Variants in KCMF1 observed in about 807,000 individuals in gnomAD.
KCMF1 encodes potassium channel modulatory factor 1.
In KCMF1, 3 loss-of-function variants were observed where a neutral mutation model predicts 41.1. The ratio of observed to expected loss-of-function variants is 0.07; its 90% confidence interval spans 0.03 to 0.19. KCMF1 has a LOEUF of 0.19. Among genes scored for constraint, KCMF1 ranks in the 10% least tolerant of loss-of-function variants. KCMF1 has a pLI of 1.00. For synonymous variants in KCMF1, 142 were observed against 164.5 expected, an observed-to-expected ratio of 0.86 and a Z score of 1.04; for missense variants, 286 against 488.9, an observed-to-expected ratio of 0.58 and a Z score of 3.91.
chr2:85,026,493 TTA>T (rs1675108857), intron 1 of KCMF1, among the ~76,000 whole-genome samples: 2 of 141,180 alleles, frequency 1.4e-5, no homozygotes, highest in African/African-American at 5.3e-5. Context: ...ATTATTATTA[TTA>T]TTTTTATTTT....
intron 1 of KCMF1, among the ~76,000 whole-genome samples, chr2:84,974,967 A>G (rs1673508230): frequency 6.6e-6 from 1 of 151,890 alleles, no homozygotes; most frequent in Admixed American, 6.6e-5. Context: ...TCGGCCTCCC[A>G]AAGTGGTGGG....
intron 1 of KCMF1, among the ~76,000 whole-genome samples, chr2:85,010,431 T>C (rs1224699742): frequency 6.6e-6 from 1 of 152,220 alleles, no homozygotes; most frequent in Non-Finnish European, 1.5e-5. Flanking sequence ...ATTGCCTCAC[T>C]GTACTCCAGC....
intron 1 of KCMF1, among the ~76,000 whole-genome samples, chr2:84,995,924 T>C (rs1674166711): frequency 6.6e-6 from 1 of 152,236 alleles, no homozygotes; most frequent in Admixed American, 6.5e-5. Flanking sequence ...AAAGAAGTAA[T>C]GAAGAAGTCA....
intron 1 of KCMF1, among the ~76,000 whole-genome samples, chr2:84,989,104 C>T (rs771989564): frequency 2.0e-5 from 3 of 152,152 alleles, no homozygotes; most frequent in Non-Finnish European, 4.4e-5. Context: ...GTTTGCTGAC[C>T]TCTGCTTTAA....
chr2:84,992,828 G>A (rs1038825928), intron 1 of KCMF1, among the ~76,000 whole-genome samples: 3 of 152,052 alleles, frequency 2.0e-5, no homozygotes, highest in African/African-American at 7.2e-5. Context: ...CACCGTGTTA[G>A]CCAGGATGGT....
At chr2:84,986,108 A>T (rs1673894204) in intron 1 of KCMF1, among the ~76,000 whole-genome samples, 1 of 152,214 alleles carries the variant, frequency 6.6e-6, no homozygotes, top group African/African-American at 2.4e-5. Flanking sequence ...ATTGAAAAAC[A>T]CTGGCCTTGG....
Position 84,971,445 on chromosome 2 carries a change from A to T in KCMF1, c.-7A>T. The stretch of plus-strand genomic sequence containing the variant: ...GGAGGGGCCGCGCCGCCACCGTCTG[A>T]ACTAGGATGTCCCGACATGAAGGTG... On this transcript the variant is annotated 5_prime_UTR_variant, in exon 1 of 7. Coordinates refer to ENST00000409785, the MANE Select transcript of KCMF1 (RefSeq NM_020122.5). 1 of 1,275,152 alleles carries T rather than the reference A, an allele frequency of 7.8e-7. No individual in the cohort carries two copies. Among genetic ancestry groups the T allele is most frequent in the Non-Finnish European group, 1.0e-6 (1 of 988,642 alleles). The allele number at this position is 1,275,152 out of a possible 1,614,324, so 79.0% of individuals were successfully genotyped here.
chr2:85,053,590 C>G lies in KCMF1; in HGVS notation c.*181C>G, dbSNP rs1675858670. 2 of 709,818 alleles carry G rather than the reference C, an allele frequency of 2.8e-6. No homozygotes were observed. Among genetic ancestry groups the G allele is most frequent in the Non-Finnish European group, 4.5e-6 (2 of 441,234 alleles). 44.0% of individuals were successfully genotyped at this position (709,818 alleles called of 1,614,324 possible). ...ATCATTTCCACTTAACTAATTTTTA[C>G]TTCTAGCAGGTAAATGTAGGTAGCA... On this transcript the variant is annotated 3_prime_UTR_variant, in exon 7 of 7. Coordinates refer to ENST00000409785, the MANE Select transcript of KCMF1 (RefSeq NM_020122.5).
intron 1 of KCMF1, among the ~76,000 whole-genome samples, chr2:84,976,416 G>T (rs1266891610): frequency 6.6e-6 from 1 of 151,780 alleles, no homozygotes; most frequent in African/African-American, 2.4e-5. Context: ...ATGTTGGCCA[G>T]GCTGGTCTCG....
chr2:85,005,296 A>AT (rs567699626), intron 1 of KCMF1, among the ~76,000 whole-genome samples: 372 of 146,654 alleles, frequency 2.5e-3, no homozygotes, highest in Non-Finnish European at 4.1e-3. Context: ...TTATTTATTT[A>AT]TTTTTTTTTT....
chr2:85,022,107 A>G (rs1447867502), intron 1 of KCMF1, among the ~76,000 whole-genome samples: 1 of 151,916 alleles, frequency 6.6e-6, no homozygotes, highest in Non-Finnish European at 1.5e-5. Flanking sequence ...GTGAGCCACC[A>G]CGCCCGGCCT....
rs969691001 is a variant in KCMF1, at chr2:84,971,366, C to G, written c.-86C>G. ...GCCCGGGAGTCGAGTGGGAGTCGGC[C>G]GGCCGGCGCGGGCAGCGCCGGGACC... On this transcript the variant is annotated 5_prime_UTR_variant, in exon 1 of 7. Coordinates refer to ENST00000409785, the MANE Select transcript of KCMF1 (RefSeq NM_020122.5). 2.0e-5 allele frequency: 18 copies of G among 903,840 alleles called. No homozygotes were observed. The highest frequency in any genetic ancestry group is 2.2e-5 in the Non-Finnish European group (16 of 738,376). The allele number at this position is 903,840 out of a possible 1,614,324, so 56.0% of individuals were successfully genotyped here. A position where few individuals can be genotyped will look rare whatever the true frequency, so the allele number is the denominator to read the frequency against.
At chr2:84,981,325 G>A (rs1402115155) in intron 1 of KCMF1, among the ~76,000 whole-genome samples, 1 of 151,962 alleles carries the variant, frequency 6.6e-6, no homozygotes, top group Non-Finnish European at 1.5e-5. Context: ...AAGTAGCTGG[G>A]ACTACAGGCA....
At chr2:85,030,334 A>G (rs1005318060) in intron 2 of KCMF1, among the ~76,000 whole-genome samples, 4 of 151,814 alleles carry the variant, frequency 2.6e-5, no homozygotes, top group African/African-American at 9.7e-5. Context: ...CAAAACTTCT[A>G]ATTCTGATAA....
At chr2:84,997,489 G>A (rs1166768090) in intron 1 of KCMF1, among the ~76,000 whole-genome samples, 1 of 152,054 alleles carries the variant, frequency 6.6e-6, no homozygotes, top group Non-Finnish European at 1.5e-5. Context: ...CTTGAAGAAG[G>A]CATATATTTC....
At chr2:85,016,677 A>C (rs1574026370) in intron 1 of KCMF1, among the ~76,000 whole-genome samples, 1 of 151,212 alleles carries the variant, frequency 6.6e-6, no homozygotes. Flanking sequence ...TCACTGAGTT[A>C]CTTATACTAT....
At chr2:85,008,263 C>CATATAATATATAATATGATATATA (rs1674525993) in intron 1 of KCMF1, among the ~76,000 whole-genome samples, 1 of 68,828 alleles carries the variant, frequency 1.5e-5, no homozygotes, top group Non-Finnish European at 2.8e-5. Flanking sequence ...TATTATATAT[C>CATATAATATATAATATGATATATA]ATATATAATA....
At chr2:85,024,915 A>G (rs1185073198) in intron 1 of KCMF1, among the ~76,000 whole-genome samples, 1 of 152,114 alleles carries the variant, frequency 6.6e-6, no homozygotes, top group Non-Finnish European at 1.5e-5. Context: ...GTTCTATTCC[A>G]TGGGCCAGTT....
At chr2:84,997,053 A>T (rs1674194120) in intron 1 of KCMF1, among the ~76,000 whole-genome samples, 1 of 152,236 alleles carries the variant, frequency 6.6e-6, no homozygotes, top group African/African-American at 2.4e-5. Flanking sequence ...CATAGAAAAG[A>T]TACAATAAAA....
Sources: gnomAD v4.1 joint callset for allele counts (sites outside exome capture counted in the v4.1 genomes callset) on GRCh38, gnomAD v4.1.1 for gene constraint, MANE v1.5 for transcripts, NCBI Gene and HGNC (gene_info 2026-07-23, HGNC 2026-07-21) for gene names.